PACS1: variants seen among roughly 807,000 people sequenced by gnomAD.
PACS1 encodes phosphofurin acidic cluster sorting protein 1, also known as PACS-1.
In PACS1, 24 loss-of-function variants were observed where a neutral mutation model predicts 115.0. That is an observed-to-expected ratio of 0.21 (90% CI 0.15 to 0.29). The LOEUF is 0.29. Ranked by LOEUF, PACS1 falls within the 10% of genes least tolerant of loss-of-function variation. The probability of loss-of-function intolerance (pLI) is 1.00; values close to 1 mark genes in which losing one functional copy is unlikely to be tolerated. For synonymous variants in PACS1, 453 were observed against 504.5 expected (o/e 0.90, Z 1.37); for missense variants, 838 against 1,251.2 (o/e 0.67, Z 4.98).
chr11:66,143,058 A>G (rs529112804), intron 1 of PACS1, among the ~76,000 whole-genome samples: 2 of 152,154 alleles, frequency 1.3e-5, no homozygotes, highest in African/African-American at 4.8e-5. Flanking sequence ...ATTTTTCCTG[A>G]TGGTACTTTT....
rs1857444345 is a variant in PACS1 at position 66,079,304 on chromosome 11, T to TTTG, written c.356+8464_356+8465insGTT. ...TAGGTGAGACATTCTTTGTAGCAGG[T>TTTG]TTTTTTTTTTTTTTTTTAATAGTTT... On this transcript the variant is annotated intron_variant, in intron 1 of 23. Coordinates refer to ENST00000320580, the MANE Select transcript of PACS1 (RefSeq NM_018026.4). 3.0e-4 allele frequency among the ~76,000 whole-genome samples: 3 copies of TTTG among 10,124 alleles called. No individual in the cohort carries two copies. In the Admixed American group the frequency reaches 3.8e-3, roughly 13 times the overall value. 6.6% of individuals were successfully genotyped at this position (10,124 alleles called of 152,430 possible). A position where few individuals can be genotyped will look rare whatever the true frequency, so the allele number is the denominator to read the frequency against.
intron 1 of PACS1, among the ~76,000 whole-genome samples, chr11:66,147,601 T>A (rs1859155961): frequency 6.6e-6 from 1 of 152,196 alleles, no homozygotes; most frequent in Non-Finnish European, 1.5e-5. Context: ...TTTCTAATGT[T>A]GTAATTTTTC....
intron 1 of PACS1, among the ~76,000 whole-genome samples, chr11:66,078,676 C>G (rs1373048503): frequency 1.3e-5 from 2 of 152,220 alleles, no homozygotes; most frequent in African/African-American, 4.8e-5. Flanking sequence ...TCCTTAGACT[C>G]CCAAGTAGCT....
At chr11:66,159,188 A>G (rs1044682698) in intron 1 of PACS1, among the ~76,000 whole-genome samples, 6 of 152,234 alleles carry the variant, frequency 3.9e-5, no homozygotes, top group Admixed American at 3.3e-4. Flanking sequence ...CTATAATCCC[A>G]GCACTTTGGG....
chr11:66,123,041 A>G (rs138511748), intron 1 of PACS1, among the ~76,000 whole-genome samples: 2 of 152,292 alleles, frequency 1.3e-5, no homozygotes, highest in African/African-American at 4.8e-5. Flanking sequence ...CAGTGTGACA[A>G]ACTTCATTGT....
At chr11:66,209,810 C>T (rs1855028814) in intron 2 of PACS1, among the ~76,000 whole-genome samples, 1 of 152,010 alleles carries the variant, frequency 6.6e-6, no homozygotes, top group Admixed American at 6.6e-5. Flanking sequence ...GAGGCTGAGG[C>T]AGGGTAATCG....
chr11:66,101,060 A>G (rs1367876585), intron 1 of PACS1, among the ~76,000 whole-genome samples: 1 of 152,190 alleles, frequency 6.6e-6, no homozygotes, highest in East Asian at 1.9e-4. Context: ...CCACTTTTTC[A>G]TGAGAGGACT....
intron 1 of PACS1, among the ~76,000 whole-genome samples, chr11:66,105,513 C>G (rs1049399619): frequency 6.6e-6 from 1 of 152,074 alleles, no homozygotes; most frequent in African/African-American, 2.4e-5. Flanking sequence ...CACTGCCTCC[C>G]TAAAATATGA....
At position 66,191,574 on chromosome 11, in the gene PACS1, C is replaced by T. The variant is rs183943654; in HGVS notation, c.357-1912C>T. ...ATGCGTAGAACAGTGAGCCCCCCAA[C>T]ACACATCCACACAGTCCTGTTTTTG... is the stretch of plus-strand genomic sequence containing the variant. On this transcript the variant is annotated intron_variant, in intron 1 of 23. Transcript: ENST00000320580. Among the ~76,000 whole-genome samples the T allele has an allele frequency of 3.9e-5, 6 of 152,316 alleles. No individual in the cohort carries two copies. In the East Asian group the frequency reaches 1.2e-3, roughly 29 times the overall value.
chr11:66,106,528 C>T (rs927137229), intron 1 of PACS1, among the ~76,000 whole-genome samples: 2 of 152,048 alleles, frequency 1.3e-5, no homozygotes, highest in Non-Finnish European at 2.9e-5. Flanking sequence ...GATCGTGCCA[C>T]TGCACTCCAG....
intron 1 of PACS1, among the ~76,000 whole-genome samples, chr11:66,164,597 T>TATATAATACATATATATA (rs1233825443): frequency 7.5e-6 from 1 of 133,732 alleles, no homozygotes; most frequent in East Asian, 2.2e-4. Context: ...TATTATATAA[T>TATATAATACATATATATA]ATATAATACA....
intron 1 of PACS1, among the ~76,000 whole-genome samples, chr11:66,187,177 T>A (rs1340861024): frequency 2.0e-5 from 3 of 152,230 alleles, no homozygotes; most frequent in African/African-American, 7.2e-5. Flanking sequence ...CCTTATTTTT[T>A]AATTTTTTAT....
chr11:66,100,699 G>A (rs1213671072), intron 1 of PACS1: 1 of 428,864 alleles, frequency 2.3e-6, no homozygotes, highest in East Asian at 7.1e-5. Flanking sequence ...CGGCACTCAA[G>A]TGAGGTGGGC....
At chr11:66,100,119 A>T (rs1382876395) in intron 1 of PACS1, among the ~76,000 whole-genome samples, 3 of 150,944 alleles carry the variant, frequency 2.0e-5, no homozygotes. Flanking sequence ...ACCTCAGGTG[A>T]TCTGCCCGCC....
At chr11:66,186,758 G>A (rs977176421) in intron 1 of PACS1, among the ~76,000 whole-genome samples, 2 of 152,180 alleles carry the variant, frequency 1.3e-5, no homozygotes, top group African/African-American at 4.8e-5. Flanking sequence ...CCTTCATTCA[G>A]GCATTTTTTT....
At chr11:66,223,095 T>C (rs1855393069) in intron 10 of PACS1, among the ~76,000 whole-genome samples, 1 of 152,010 alleles carries the variant, frequency 6.6e-6, no homozygotes, top group African/African-American at 2.4e-5. Context: ...CTAAATTTAT[T>C]TTTTATTTTT....
Position 66,227,470 on chromosome 11 carries a change from G to T in PACS1, c.1294-34G>T, listed in dbSNP as rs55701638. On this transcript the variant is annotated intron_variant, in intron 10 of 23. Coordinates refer to ENST00000320580, the MANE Select transcript of PACS1 (RefSeq NM_018026.4). ...AACAAATTAAAGTGGTAGTTATTTG[G>T]ATCAGTGATAACTAATTCTTATAAT... 0.06 allele frequency: 71,851 copies of T among 1,191,950 alleles called. 2,626 individuals carry two copies. The highest frequency in any genetic ancestry group is 0.073 in the Non-Finnish European group (58,150 of 800,206). 73.8% of individuals were successfully genotyped at this position (1,191,950 alleles called of 1,614,324 possible). A position where few individuals can be genotyped will look rare whatever the true frequency, so the allele number is the denominator to read the frequency against.
chr11:66,195,624 A>G (rs1854632458), intron 2 of PACS1, among the ~76,000 whole-genome samples: 5 of 152,228 alleles, frequency 3.3e-5, no homozygotes, highest in Admixed American at 3.3e-4. Flanking sequence ...TACCAAAACT[A>G]CAAATATTTT....
chr11:66,217,964 T>C (rs1855252040), intron 7 of PACS1: 2 of 213,048 alleles, frequency 9.4e-6, no homozygotes, highest in Admixed American at 1.2e-4. Flanking sequence ...ATGACTGGAG[T>C]TCAGTGCTCC....
Sources: gnomAD v4.1 joint callset for allele counts (sites outside exome capture counted in the v4.1 genomes callset) on GRCh38, gnomAD v4.1.1 for gene constraint, MANE v1.5 for transcripts, NCBI Gene and HGNC (gene_info 2026-07-23, HGNC 2026-07-21) for gene names.